Variants in SVIL observed in about 807,000 individuals in gnomAD.
SVIL encodes supervillin.
SVIL carries 101 observed loss-of-function variants against 240.4 expected under a neutral mutation model. That is an observed-to-expected ratio of 0.42 (90% CI 0.36 to 0.50). The LOEUF (loss-of-function observed/expected upper bound fraction) is 0.50. SVIL is among the 20% of genes least tolerant of loss of function. The pLI, the probability that SVIL is intolerant of heterozygous loss-of-function variation, is 0.01. For synonymous variants in SVIL, 999 were observed against 1,100.0 expected (o/e 0.91, Z 1.82); for missense variants, 2,512 against 2,818.7 (o/e 0.89, Z 2.46).
At chr10:29,690,197 T>G (rs2132611577) in intron 1 of SVIL, among the ~76,000 whole-genome samples, 1 of 152,326 alleles carries the variant, frequency 6.6e-6, no homozygotes, top group South Asian at 2.1e-4. Flanking sequence ...CCTTTCAAAA[T>G]AATCAACACT....
At position 29,486,436 on chromosome 10, in the gene SVIL, A is replaced by G. The variant is rs1196761536; in HGVS notation, c.4607T>C (p.Leu1536Pro). The G allele has an allele frequency of 6.2e-7, 1 of 1,614,238 alleles. No individual in the cohort carries two copies. Among genetic ancestry groups the G allele is most frequent in the Non-Finnish European group, 8.5e-7 (1 of 1,180,026 alleles). Residue 1536 changes from leucine (L) to proline (P), a missense_variant, in exon 25 of 38, where the codon CTT (leucine) becomes CCT (proline). Physicochemically the swap from Leu to Pro is moderately conservative, Grantham distance 98. Coordinates refer to ENST00000355867, the MANE Select transcript of SVIL (RefSeq NM_021738.3). The part of the protein sequence containing the change: ...HTHAAKDFWK[L>P]LGGQTSYQSA... ...TTGGTAACTGGTTTGGCCACCCAGA[A>G]GCTTCCAGAAGTCTTTGGCTGCATG...
chr10:29,703,678 G>A (rs143130308), intron 1 of SVIL, among the ~76,000 whole-genome samples: 25 of 152,326 alleles, frequency 1.6e-4, no homozygotes, highest in Non-Finnish European at 3.2e-4. Flanking sequence ...TCAGGTAGCC[G>A]TGCCCTGCAA....
chr10:29,486,904 G>A (rs544894497), intron 24 of SVIL, among the ~76,000 whole-genome samples: 5 of 152,284 alleles, frequency 3.3e-5, no homozygotes, highest in East Asian at 3.9e-4. Flanking sequence ...AAGTGGGGCC[G>A]CTTCCTTTTT....
At chr10:29,481,282 A>C (rs1385341412) in intron 28 of SVIL, among the ~76,000 whole-genome samples, 4 of 151,660 alleles carry the variant, frequency 2.6e-5, no homozygotes, top group African/African-American at 9.7e-5. Context: ...TTTATGGGGA[A>C]GGGGGTGTGG....
At chr10:29,498,981 T>G (rs1948669598) in intron 18 of SVIL, 135 bp downstream of exon 18, 13 of 1,319,964 alleles carry the variant, frequency 9.8e-6, no homozygotes, top group Non-Finnish European at 1.0e-5. Flanking sequence ...ACCCTGTCTC[T>G]TAGAAAAAAC....
At chr10:29,584,210 G>T (rs997763761) in intron 1 of SVIL, among the ~76,000 whole-genome samples, 1 of 152,222 alleles carries the variant, frequency 6.6e-6, no homozygotes, top group Non-Finnish European at 1.5e-5. Flanking sequence ...CTGGGAAGAG[G>T]CCTAACCGGG....
chr10:29,550,319 G>A (rs894523921), intron 6 of SVIL, among the ~76,000 whole-genome samples: 10 of 151,928 alleles, frequency 6.6e-5, no homozygotes, highest in African/African-American at 2.4e-4. Context: ...GCATGTGCCT[G>A]TGGTTCCAGC....
intron 30 of SVIL, among the ~76,000 whole-genome samples, chr10:29,472,373 G>T (rs1007120937): frequency 2.6e-5 from 4 of 152,198 alleles, no homozygotes; most frequent in African/African-American, 9.6e-5. Flanking sequence ...AAATGTGATT[G>T]GTTCTTGGAA....
intron 1 of SVIL, among the ~76,000 whole-genome samples, chr10:29,588,427 C>A (rs1296441913): frequency 1.3e-5 from 2 of 151,890 alleles, no homozygotes; most frequent in Non-Finnish European, 2.9e-5. Context: ...TTCTTGGACA[C>A]CCAGCAGTGA....
At chr10:29,721,387 G>GT (rs982634738) in intron 1 of SVIL, among the ~76,000 whole-genome samples, 20 of 152,042 alleles carry the variant, frequency 1.3e-4, no homozygotes, top group African/African-American at 3.9e-4. Flanking sequence ...TACATTAAAC[G>GT]TAAGTAATCT....
At chr10:29,597,188 C>T (rs555124036) in intron 1 of SVIL, among the ~76,000 whole-genome samples, 12 of 152,124 alleles carry the variant, frequency 7.9e-5, no homozygotes, top group Admixed American at 1.3e-4. Context: ...GACAAAATGG[C>T]GAAGTATGAT....
chr10:29,680,984 T>G (rs1960597082), intron 2 of SVIL, among the ~76,000 whole-genome samples: 1 of 151,456 alleles, frequency 6.6e-6, no homozygotes, highest in South Asian at 2.1e-4. Context: ...GGACACTACC[T>G]GCTGGGCTTG....
intron 21 of SVIL, among the ~76,000 whole-genome samples, chr10:29,491,509 T>C (rs1947953703): frequency 6.6e-6 from 1 of 152,238 alleles, no homozygotes; most frequent in Admixed American, 6.5e-5. Context: ...GTCCCCTTAC[T>C]GACCCTCCAT....
At chr10:29,608,948 G>A (rs1245579694) in intron 1 of SVIL, among the ~76,000 whole-genome samples, 5 of 152,170 alleles carry the variant, frequency 3.3e-5, no homozygotes, top group African/African-American at 9.7e-5. Flanking sequence ...CCAATCAGAC[G>A]GTGCTTTTTC....
chr10:29,474,851 T>A (rs1946017285), intron 29 of SVIL, among the ~76,000 whole-genome samples: 1 of 152,218 alleles, frequency 6.6e-6, no homozygotes, highest in African/African-American at 2.4e-5. Flanking sequence ...TCAAGTTCTG[T>A]CAGAAAGGAG....
intron 1 of SVIL, among the ~76,000 whole-genome samples, chr10:29,608,147 G>C (rs777081702): frequency 6.6e-6 from 1 of 152,122 alleles, no homozygotes; most frequent in East Asian, 1.9e-4. Flanking sequence ...CATTACCCCC[G>C]CCTCCTCACC....
At chr10:29,664,112 T>TA (rs1959189777) in intron 2 of SVIL, among the ~76,000 whole-genome samples, 1 of 152,206 alleles carries the variant, frequency 6.6e-6, no homozygotes, top group African/African-American at 2.4e-5. Context: ...CAGGTCCTCA[T>TA]ACATTTTTTA....
intron 10 of SVIL, among the ~76,000 whole-genome samples, chr10:29,530,985 G>GCAA (rs1244771044): frequency 4.0e-4 from 61 of 152,318 alleles, no homozygotes; most frequent in African/African-American, 1.3e-3. Flanking sequence ...AGTAGCAGCA[G>GCAA]CAACAACAAG....
intron 7 of SVIL, among the ~76,000 whole-genome samples, chr10:29,534,199 T>TA (rs1255612933): frequency 2.0e-5 from 3 of 152,146 alleles, no homozygotes; most frequent in Non-Finnish European, 2.9e-5. Flanking sequence ...TGCTCTTAGT[T>TA]AAAAATGAAT....
Sources: allele counts gnomAD v4.1 joint callset (sites outside exome capture counted in the v4.1 genomes callset), GRCh38; gene constraint gnomAD v4.1.1; transcripts MANE v1.5; gene names NCBI Gene and HGNC (gene_info 2026-07-23, HGNC 2026-07-21).